The following PTPN9 variants were observed in gnomAD, a reference collection of about 807,000 sequenced individuals.
PTPN9 encodes the protein protein tyrosine phosphatase non-receptor type 9.
PTPN9 carries 26 observed loss-of-function variants against 69.8 expected under a neutral mutation model. The ratio of observed to expected loss-of-function variants is 0.37; its 90% CI spans 0.27 to 0.52. The LOEUF (loss-of-function observed/expected upper bound fraction) is 0.52, where lower values mean the gene tolerates loss of function less well. Ranked by LOEUF, PTPN9 falls within the 20% of genes least tolerant of loss-of-function variation. The pLI is 0.91. For missense variants in PTPN9, 549 were observed against 740.3 expected (o/e 0.74, Z 3.00); for synonymous variants, 274 against 272.5 (o/e 1.01, Z -0.05).
intron 7 of PTPN9, among the ~76,000 whole-genome samples, chr15:75,492,403 TAGAGAG>T (rs1303232714): frequency 1.3e-5 from 2 of 152,082 alleles, no homozygotes; most frequent in South Asian, 4.1e-4. Flanking sequence ...GAGGTACCTA[TAGAGAG>T]ACAAGATGGC....
In PTPN9 at chr15:75,523,253, A is replaced by G; in HGVS notation, c.298-8T>C. 1 of 1,610,672 alleles carries G rather than the reference A, an allele frequency of 6.2e-7. No individual in the cohort carries two copies. Among genetic ancestry groups the G allele is most frequent in the Non-Finnish European group, 8.5e-7 (1 of 1,178,986 alleles). Reference sequence around the variant, plus strand: ...TGTTGGGTCCCGAACATTCTAAAGCAAATAAAACAAGAAACATTAAAAAAA... The same window carrying G: ...TGTTGGGTCCCGAACATTCTAAAGCGAATAAAACAAGAAACATTAAAAAAA... On this transcript the variant is annotated splice_polypyrimidine_tract_variant and splice_region_variant and intron_variant, in intron 3 of 12. Transcript: ENST00000618819.
At chr15:75,526,228 G>A (rs1405182112) in intron 2 of PTPN9, among the ~76,000 whole-genome samples, 1 of 152,076 alleles carries the variant, frequency 6.6e-6, no homozygotes, top group African/African-American at 2.4e-5. Flanking sequence ...CTGACCTCAA[G>A]TGATCCACCT....
Position 75,464,761 on chromosome 15 carries a change from A to C in PTPN9, c.*4008T>G, listed in dbSNP as rs2074530185. The C allele has an allele frequency of 2.0e-5, 3 of 152,210 alleles. No homozygotes were observed. Among genetic ancestry groups the C allele is most frequent in the African/African-American group, 7.2e-5 (3 of 41,446 alleles). The allele number at this position is 152,210 out of a possible 1,614,324, so 9.4% of individuals were successfully genotyped here. A position where few individuals can be genotyped will look rare whatever the true frequency, so the allele number is the denominator to read the frequency against. On this transcript the variant is annotated 3_prime_UTR_variant, in exon 13 of 13. Coordinates refer to ENST00000618819, the MANE Select transcript of PTPN9 (RefSeq NM_002833.4). ...CAGGAAGCATTCCTTTCAGGGAAGG[A>C]ACCAAATTTCCCTAGGGCTATGATG...
At chr15:75,572,474 C>A (rs955564412) in intron 1 of PTPN9, among the ~76,000 whole-genome samples, 10 of 152,076 alleles carry the variant, frequency 6.6e-5, no homozygotes, top group African/African-American at 2.4e-4. Flanking sequence ...CTTGGGGAGG[C>A]CAAGGCAGGC....
At chr15:75,486,622 A>G (rs1174905734) in intron 8 of PTPN9, among the ~76,000 whole-genome samples, 1 of 152,202 alleles carries the variant, frequency 6.6e-6, no homozygotes, top group Non-Finnish European at 1.5e-5. Context: ...ACTGGGACTA[A>G]TAGCTTTAAA....
chr15:75,474,403 C>T (rs1387837335), intron 9 of PTPN9, among the ~76,000 whole-genome samples: 1 of 151,992 alleles, frequency 6.6e-6, no homozygotes, highest in Non-Finnish European at 1.5e-5. Context: ...CCTGTAGTCT[C>T]AGGTACTTGG....
At position 75,523,164 on chromosome 15, in the gene PTPN9, C is replaced by T; in HGVS notation, c.379G>A (p.Val127Ile). ...HHPHKSVQHVVLQALFYLLDR... is the reference protein window; with the variant it reads ...HHPHKSVQHVILQALFYLLDR... ...AGCAAGTAAAACAGAGCCTGAAGTA[C>T]CACATGTTGGACTGACTTGTGGGGA... Residue 127 changes from valine (V) to isoleucine (I), a missense_variant, in exon 4 of 13, where the codon GTA becomes ATA. Val to Ile is a conservative substitution (Grantham distance 29). Around this residue, in one of 3 missense-constraint regions of PTPN9, gnomAD observed 457 missense variants for 661.9 expected, o/e 0.69. Coordinates refer to ENST00000618819, the MANE Select transcript of PTPN9 (RefSeq NM_002833.4). 2 of 1,614,112 alleles carry T rather than the reference C, an allele frequency of 1.2e-6. No individual in the cohort carries two copies. Among genetic ancestry groups the T allele is most frequent in the South Asian group, 2.2e-5 (2 of 91,078 alleles).
chr15:75,546,550 G>A (rs1282067121), intron 1 of PTPN9, among the ~76,000 whole-genome samples: 1 of 151,994 alleles, frequency 6.6e-6, no homozygotes, highest in Non-Finnish European at 1.5e-5. Context: ...GGCTGAGGCA[G>A]GAGAATCGCT....
chr15:75,487,313 C>A (rs1595949959), intron 8 of PTPN9: 1 of 146,810 alleles, frequency 6.8e-6, no homozygotes. Context: ...TTTCGGCCCG[C>A]AAAGTAAATA....
intron 7 of PTPN9, among the ~76,000 whole-genome samples, chr15:75,503,631 CG>C (rs2074790364): frequency 8.0e-6 from 1 of 125,700 alleles, no homozygotes; most frequent in African/African-American, 3.0e-5. Flanking sequence ...CCGCCCCGTC[CG>C]GGAGGTGAGG....
chr15:75,504,292 C>T (rs1389107004), intron 7 of PTPN9, among the ~76,000 whole-genome samples: 4 of 125,782 alleles, frequency 3.2e-5, no homozygotes, highest in South Asian at 2.7e-4. Flanking sequence ...CCGCCCCGTC[C>T]GGGAGGTGAG....
intron 7 of PTPN9, among the ~76,000 whole-genome samples, chr15:75,504,352 C>T (rs1369797709): frequency 9.1e-5 from 11 of 120,314 alleles, no homozygotes; most frequent in Admixed American, 5.5e-4. Flanking sequence ...GCCCCTCTGC[C>T]GGGCCAGCCA....
At chr15:75,481,889 T>C (rs1369142751) in intron 8 of PTPN9, among the ~76,000 whole-genome samples, 3 of 144,424 alleles carry the variant, frequency 2.1e-5, no homozygotes, top group Non-Finnish European at 4.5e-5. Flanking sequence ...AGGGGGCGCC[T>C]CTGCCCGGCC....
chr15:75,513,440 T>TG, intron 5 of PTPN9: 1 of 455,626 alleles, frequency 2.2e-6, no homozygotes, highest in South Asian at 1.6e-5. Flanking sequence ...AAAGGGTAAC[T>TG]GAAGAGAACA....
chr15:75,547,701 T>C (rs2141333602), intron 1 of PTPN9, among the ~76,000 whole-genome samples: 1 of 151,696 alleles, frequency 6.6e-6, no homozygotes, highest in African/African-American at 2.4e-5. Flanking sequence ...AGCCTCGCTC[T>C]GTCACCCAGG....
chr15:75,469,471 G>A (rs1468861449), intron 12 of PTPN9, among the ~76,000 whole-genome samples: 2 of 152,236 alleles, frequency 1.3e-5, no homozygotes, highest in Admixed American at 6.5e-5. Flanking sequence ...TCCCTCCAGG[G>A]AGGGCTGGAT....
chr15:75,542,552 T>C (rs1241519488), intron 1 of PTPN9, among the ~76,000 whole-genome samples: 4 of 152,164 alleles, frequency 2.6e-5, no homozygotes, highest in African/African-American at 9.7e-5. Flanking sequence ...AGTCCAAAGC[T>C]TCAGGCAACA....
intron 1 of PTPN9, among the ~76,000 whole-genome samples, chr15:75,575,686 A>G (rs892738099): frequency 3.4e-4 from 51 of 152,162 alleles, no homozygotes; most frequent in Admixed American, 5.9e-4. Context: ...TTGGGAGGCC[A>G]AGGCGGGTGG....
chr15:75,567,103 C>T (rs2075129908), intron 1 of PTPN9, among the ~76,000 whole-genome samples: 1 of 151,502 alleles, frequency 6.6e-6, no homozygotes, highest in Non-Finnish European at 1.5e-5. Flanking sequence ...GCAACCTCCA[C>T]CTCTCATGTT....
Sources: allele counts gnomAD v4.1 joint callset (sites outside exome capture counted in the v4.1 genomes callset), GRCh38; gene constraint gnomAD v4.1.1; regional missense constraint gnomAD v4.1.1; transcripts MANE v1.5; gene names NCBI Gene and HGNC (gene_info 2026-07-23, HGNC 2026-07-21).